TRMT44: variants seen among roughly 807,000 people sequenced by gnomAD.
The protein encoded by TRMT44 is tRNA methyltransferase 44 homolog.
Under a neutral mutation model 77.3 loss-of-function variants are expected in TRMT44, and 78 were observed. The ratio of observed to expected loss-of-function variants is 1.01; its 90% CI spans 0.84 to 1.22. The LOEUF is 1.22. Ranked by LOEUF, TRMT44 falls within the 50% of genes most tolerant of loss-of-function variation. The probability of loss-of-function intolerance (pLI) is 0.00; values close to 1 mark genes in which losing one functional copy is unlikely to be tolerated. For missense variants in TRMT44, 1,090 were observed against 964.4 expected (o/e 1.13, Z -1.73); for synonymous variants, 391 against 383.3 (o/e 1.02, Z -0.23).
At chr4:8,497,314 A>C (rs1728176525), downstream of TRMT44, among the ~76,000 whole-genome samples, 1 of 152,254 alleles carries the variant, frequency 6.6e-6, no homozygotes, top group South Asian at 2.1e-4. Flanking sequence ...CTATATGATT[A>C]ACTGCTTTTG....
At chr4:8,462,124 A>G (rs549306590) in intron 6 of TRMT44, among the ~76,000 whole-genome samples, 1 of 152,366 alleles carries the variant, frequency 6.6e-6, no homozygotes, top group Non-Finnish European at 1.5e-5. Context: ...TGAAAAGTTC[A>G]TAAAAGCCGG....
rs530154260 is a variant in TRMT44, at chr4:8,468,197, A to G, written c.1778A>G (p.Glu593Gly). The G allele has an allele frequency of 1.5e-5, 25 of 1,614,246 alleles. No homozygotes were observed. The South Asian group carries it at 2.6e-4, about 17-fold the overall frequency. ...TGGCTACCTGGATTTCATCCCAGAG[A>G]AAAGGCTGAGCGTGTGAGGAACTGT... ...GPWLPGFHPR[E>G]KAERVRNCAA... The change falls in exon 9 of 11, where the codon GAA becomes GGA. Residue 593 changes from glutamate (E) to glycine (G), a missense_variant. By Grantham distance (98) the Glu-to-Gly change is moderately conservative. Coordinates refer to ENST00000389737, the MANE Select transcript of TRMT44 (RefSeq NM_152544.3).
chr4:8,468,232 C>A lies in TRMT44; in HGVS notation c.1813C>A (p.Pro605Thr), dbSNP rs779176903. 2 of 1,614,228 alleles carry A rather than the reference C, an allele frequency of 1.2e-6. No homozygotes were observed. ...GCGTGTGAGGAACTGTGCCGCCCTG[C>A]CACGAGATTTTATTGACCAAGTGGT... is the stretch of plus-strand genomic sequence containing the variant. ...AERVRNCAAL[P>T]RDFIDQVVLQ... The change falls in exon 9 of 11, where the codon CCA (proline) becomes ACA (threonine). Residue 605 changes from proline to threonine, a missense_variant. Coordinates refer to ENST00000389737, the MANE Select transcript of TRMT44 (RefSeq NM_152544.3).
chr4:8,505,666 A>G, the TRMT44 span, among the ~76,000 whole-genome samples: 1 of 152,256 alleles, frequency 6.6e-6, no homozygotes, highest in African/African-American at 2.4e-5. Flanking sequence ...GAGGAAGCAG[A>G]GACAGAGAGG....
At chr4:8,474,037 G>T (rs1262395083) in intron 10 of TRMT44, among the ~76,000 whole-genome samples, 2 of 152,234 alleles carry the variant, frequency 1.3e-5, no homozygotes, top group Non-Finnish European at 2.9e-5. Context: ...CCGGAGCCGC[G>T]TGGGAGGGCC....
At chr4:8,480,212 G>A (rs1053963316), downstream of TRMT44, among the ~76,000 whole-genome samples, 4 of 152,228 alleles carry the variant, frequency 2.6e-5, no homozygotes, top group African/African-American at 9.7e-5. Flanking sequence ...ACTGAGGCAA[G>A]TTTCCGAGCG....
chr4:8,458,213 C>T lies in TRMT44; in HGVS notation c.1203+3400C>T, dbSNP rs78807082. On this transcript the variant is annotated intron_variant, in intron 6 of 10. Transcript: ENST00000389737. ...ACTGATAGAAACGTTTTTAGAGAAA[C>T]TAAAAAGTAAAGCAGACAGAAATTA... is the stretch of plus-strand genomic sequence containing the variant. 8.6e-4 allele frequency among the ~76,000 whole-genome samples: 131 copies of T among 152,290 alleles called. 1 individual carries two copies. Among genetic ancestry groups the T allele is most frequent in the African/African-American group, 3.1e-3 (129 of 41,570 alleles).
chr4:8,501,500 C>G, the TRMT44 span, among the ~76,000 whole-genome samples: 3 of 152,284 alleles, frequency 2.0e-5, no homozygotes, highest in African/African-American at 7.2e-5. This position sits in a 1 kb window ranked among gnomAD's most constrained non-coding sequence, Gnocchi z 4.4. Flanking sequence ...ATAATCTTGG[C>G]AGAGGATTGT....
intron 10 of TRMT44, among the ~76,000 whole-genome samples, chr4:8,474,863 GGAGGCCTGC>G (rs1468899790): frequency 1.3e-5 from 2 of 152,172 alleles, no homozygotes; most frequent in African/African-American, 4.8e-5. Context: ...GCAGCCTAGA[GGAGGCCTGC>G]GAGGCCTGGG....
chr4:8,463,872 T>C (rs918647867), intron 6 of TRMT44, 113 bp from the exon 7 acceptor site: 6 of 808,916 alleles, frequency 7.4e-6, no homozygotes, highest in South Asian at 1.7e-5. Flanking sequence ...GCAGGTGAAC[T>C]GCGGCTCTGC....
chr4:8,467,787 A>T, intron 8 of TRMT44, 127 bp from the exon 9 acceptor site: 1 of 1,108,950 alleles, frequency 9.0e-7, no homozygotes, highest in Non-Finnish European at 1.3e-6. Context: ...TCAGTTTTTT[A>T]AATCAGGATT....
chr4:8,469,298 G>A (rs1248631927), intron 9 of TRMT44, among the ~76,000 whole-genome samples: 1 of 152,180 alleles, frequency 6.6e-6, no homozygotes, highest in Non-Finnish European at 1.5e-5. Context: ...GGGCCGACTA[G>A]CTGCAAACCA....
At chr4:8,500,361 G>A in the TRMT44 span, among the ~76,000 whole-genome samples, 15 of 151,602 alleles carry the variant, frequency 9.9e-5, no homozygotes, top group Admixed American at 3.3e-4. Context: ...GCTTAGTGAC[G>A]TGCACCCATA....
intron 10 of TRMT44, among the ~76,000 whole-genome samples, chr4:8,474,151 C>T (rs953092717): frequency 1.3e-5 from 2 of 152,188 alleles, no homozygotes; most frequent in African/African-American, 4.8e-5. Context: ...CCCCACCCCC[C>T]ATTCTCTTGA....
chr4:8,484,137 G>T (rs1392408643), intron 2 of TRMT44, among the ~76,000 whole-genome samples: 3 of 152,174 alleles, frequency 2.0e-5, no homozygotes, highest in Non-Finnish European at 4.4e-5. Context: ...TGGCGATTAG[G>T]CCTGGTGGAA....
rs1033890167 is a variant in TRMT44 at position 8,444,496 on chromosome 4, C to T, written c.620-1980C>T. 2.6e-5 allele frequency among the ~76,000 whole-genome samples: 4 copies of T among 151,276 alleles called. No individual in the cohort carries two copies. The highest frequency in any genetic ancestry group is 1.9e-4 in the East Asian group (1 of 5,156). ...CACTGCAACCTCCGCCTCCTGGGTT[C>T]GAGCGATTCTCCTAACTTAGCCTCC... On this transcript the variant is annotated intron_variant, in intron 1 of 10. Transcript: ENST00000389737. This position sits in a 1 kb window ranked among gnomAD's most constrained non-coding sequence, Gnocchi z 4.0.
chr4:8,511,318 G>T, the TRMT44 span, among the ~76,000 whole-genome samples: 2 of 152,214 alleles, frequency 1.3e-5, no homozygotes, highest in African/African-American at 2.4e-5. Context: ...TGGTTGTGGA[G>T]GTGCTTCCCT....
chr4:8,505,434 G>A, the TRMT44 span, among the ~76,000 whole-genome samples: 1 of 152,182 alleles, frequency 6.6e-6, no homozygotes, highest in Non-Finnish European at 1.5e-5. Flanking sequence ...CAGCACCTCT[G>A]CAGCCCGGGC....
chr4:8,496,082 C>T (rs1728141940), downstream of TRMT44, among the ~76,000 whole-genome samples: 1 of 152,116 alleles, frequency 6.6e-6, no homozygotes, highest in African/African-American at 2.4e-5. Context: ...TAGAGTGAAC[C>T]AATGAGAAAC....
Sources: allele counts gnomAD v4.1 joint callset (sites outside exome capture counted in the v4.1 genomes callset), GRCh38; gene constraint gnomAD v4.1.1; non-coding constraint Gnocchi (gnomAD v3.1); transcripts MANE v1.5; gene names NCBI Gene and HGNC (gene_info 2026-07-23, HGNC 2026-07-21).